Variants in PRKD1 observed in about 807,000 individuals in gnomAD.
PRKD1 encodes the protein serine/threonine-protein kinase D1.
A neutral mutation model predicts 95.9 loss-of-function variants in PRKD1; 63 were observed. That is an observed-to-expected ratio of 0.66 (90% CI 0.54 to 0.81). PRKD1 has a LOEUF of 0.81. Ranked by LOEUF, PRKD1 falls within the 30% of genes least tolerant of loss-of-function variation. The probability of loss-of-function intolerance (pLI) is 0.00; values close to 1 mark genes in which losing one functional copy is unlikely to be tolerated. For synonymous variants in PRKD1, 425 were observed against 423.1 expected, an observed-to-expected ratio of 1.00 and a Z score of -0.05; for missense variants, 1,048 against 1,165.3, an observed-to-expected ratio of 0.90 and a Z score of 1.47.
intron 1 of PRKD1, among the ~76,000 whole-genome samples, chr14:29,786,346 T>C (rs1384605595): frequency 1.3e-5 from 2 of 152,208 alleles, no homozygotes; most frequent in African/African-American, 4.8e-5. Context: ...GAGGGAATGC[T>C]GATATTTTAG....
chr14:29,624,121 C>T (rs191169754), intron 13 of PRKD1, 31 bp downstream of exon 13: 2 of 1,492,218 alleles, frequency 1.3e-6, no homozygotes, highest in South Asian at 1.2e-5. Context: ...GATTTTTATA[C>T]CCTTTCCCCA....
intron 1 of PRKD1, among the ~76,000 whole-genome samples, chr14:29,923,384 G>C (rs1232486251): frequency 1.3e-5 from 2 of 152,134 alleles, no homozygotes; most frequent in East Asian, 3.8e-4. Context: ...AAAGGAGTTT[G>C]TTGGTCCAGG....
chr14:29,843,348 G>A (rs890402085), intron 1 of PRKD1, among the ~76,000 whole-genome samples: 1 of 152,088 alleles, frequency 6.6e-6, no homozygotes, highest in Non-Finnish European at 1.5e-5. Context: ...AACTTCTATT[G>A]TTTAAGTCAC....
chr14:29,667,630 T>A (rs1882598987), intron 2 of PRKD1, among the ~76,000 whole-genome samples: 1 of 152,204 alleles, frequency 6.6e-6, no homozygotes, highest in Non-Finnish European at 1.5e-5. Flanking sequence ...CTCATACTCA[T>A]GTAGAAAATT....
At chr14:29,609,543 T>A (rs1326913967) in intron 13 of PRKD1, among the ~76,000 whole-genome samples, 1 of 102,192 alleles carries the variant, frequency 9.8e-6, no homozygotes, top group Non-Finnish European at 2.2e-5. Context: ...CACACATATA[T>A]ATATTTTAAT....
At chr14:29,692,223 A>T (rs370694263) in intron 2 of PRKD1, among the ~76,000 whole-genome samples, 33 of 134,276 alleles carry the variant, frequency 2.5e-4, no homozygotes, top group South Asian at 1.7e-3. Flanking sequence ...TTTTTTTTTT[A>T]AATATAGAGG....
At chr14:29,683,483 T>C (rs45613737) in intron 2 of PRKD1, among the ~76,000 whole-genome samples, 3,120 of 152,152 alleles carry the variant, frequency 0.021, 39 homozygotes, top group South Asian at 0.035. Flanking sequence ...GGACAGAGGT[T>C]AGGGGAAAGA....
chr14:29,776,046 G>C (rs937111804), intron 1 of PRKD1, among the ~76,000 whole-genome samples: 24 of 152,224 alleles, frequency 1.6e-4, no homozygotes, highest in African/African-American at 5.3e-4. Flanking sequence ...GTCTGGAGTG[G>C]ACCTCCAGCA....
At chr14:29,829,838 A>C (rs998400737) in intron 1 of PRKD1, among the ~76,000 whole-genome samples, 4 of 152,146 alleles carry the variant, frequency 2.6e-5, no homozygotes, top group African/African-American at 9.7e-5. Flanking sequence ...TCAAAATTTC[A>C]TTTGCATATC....
At chr14:29,919,346 G>C (rs1231453017) in intron 1 of PRKD1, among the ~76,000 whole-genome samples, 1 of 152,160 alleles carries the variant, frequency 6.6e-6, no homozygotes, top group Non-Finnish European at 1.5e-5. Flanking sequence ...CATTGTTTTT[G>C]TACCAGTTCT....
At chr14:29,639,242 T>C (rs917681835) in intron 4 of PRKD1, among the ~76,000 whole-genome samples, 6 of 152,212 alleles carry the variant, frequency 3.9e-5, no homozygotes, top group Non-Finnish European at 5.9e-5. Flanking sequence ...TATTATATCA[T>C]TGACATTTTT....
chr14:29,592,328 T>G (rs1256710183), intron 16 of PRKD1, among the ~76,000 whole-genome samples: 1 of 152,198 alleles, frequency 6.6e-6, no homozygotes, highest in Non-Finnish European at 1.5e-5. Flanking sequence ...TGCAACTGTT[T>G]GTAAATATAT....
At chr14:29,612,414 AAAATAT>A (rs1424687379) in intron 13 of PRKD1, among the ~76,000 whole-genome samples, 3 of 152,190 alleles carry the variant, frequency 2.0e-5, no homozygotes, top group African/African-American at 2.4e-5. Flanking sequence ...CGTTCTTTGA[AAAATAT>A]GCTGGGAAAT....
At chr14:29,629,370 T>A (rs930675029) in intron 10 of PRKD1, among the ~76,000 whole-genome samples, 2 of 152,224 alleles carry the variant, frequency 1.3e-5, no homozygotes, top group Non-Finnish European at 2.9e-5. Flanking sequence ...ACAGCTTTGG[T>A]ACAAGCTTAG....
chr14:29,849,251 T>A (rs2139333926), intron 1 of PRKD1, among the ~76,000 whole-genome samples: 1 of 152,308 alleles, frequency 6.6e-6, no homozygotes, highest in East Asian at 1.9e-4. Flanking sequence ...GCTCTGGCCA[T>A]GTGAAGACAT....
At chr14:29,912,233 T>C (rs1894742368) in intron 1 of PRKD1, among the ~76,000 whole-genome samples, 1 of 152,196 alleles carries the variant, frequency 6.6e-6, no homozygotes, top group Admixed American at 6.5e-5. Flanking sequence ...CATTCAAAGG[T>C]TCCAGGGATT....
At chr14:29,818,391 A>G (rs73259585) in intron 1 of PRKD1, among the ~76,000 whole-genome samples, 18,358 of 152,206 alleles carry the variant, frequency 0.12, 2,115 homozygotes, top group East Asian at 0.28. Flanking sequence ...AATATTTGCT[A>G]TCTATTAAAT....
chr14:29,699,169 C>A (rs1299381128), intron 2 of PRKD1, among the ~76,000 whole-genome samples: 1 of 152,108 alleles, frequency 6.6e-6, no homozygotes, highest in Non-Finnish European at 1.5e-5. Context: ...GAAAGTATTT[C>A]TAAAGAGTAA....
chr14:29,578,224 T>C (rs369770327), intron 17 of PRKD1, 51 bp downstream of exon 17: 2 of 1,322,570 alleles, frequency 1.5e-6, no homozygotes, highest in Non-Finnish European at 2.1e-6. Context: ...CAAAATCCTA[T>C]AAATATTTAG....
Sources: allele counts gnomAD v4.1 joint callset (sites outside exome capture counted in the v4.1 genomes callset), GRCh38; gene constraint gnomAD v4.1.1; transcripts MANE v1.5; gene names NCBI Gene and HGNC (gene_info 2026-07-23, HGNC 2026-07-21).